Variants in PGLYRP4 observed in about 807,000 individuals in gnomAD.
PGLYRP4 encodes the protein peptidoglycan recognition protein 4.
PGLYRP4 carries 39 observed loss-of-function variants against 41.2 expected under a neutral mutation model. The ratio of observed to expected loss-of-function variants is 0.95; its 90% CI spans 0.73 to 1.24. The LOEUF (loss-of-function observed/expected upper bound fraction) is 1.24, where lower values mean the gene tolerates loss of function less well. Among genes scored for constraint, PGLYRP4 ranks in the 50% most tolerant of loss-of-function variants. PGLYRP4 has a pLI of 0.00. For missense variants in PGLYRP4, 467 were observed against 460.7 expected (o/e 1.01, Z -0.13); for synonymous variants, 202 against 186.8 (o/e 1.08, Z -0.66).
rs1661117899 is a variant in PGLYRP4, at chr1:153,348,738, A to AGG, written c.-258_-257insCC. ...TGGAGCACTCGGGCTCTAGCTTCCC[A>AGG]GAGAGAAGAGAGCCCAGGATCCCTA... On this transcript the variant is annotated 5_prime_UTR_variant, in exon 1 of 9. Coordinates refer to ENST00000359650, the MANE Select transcript of PGLYRP4 (RefSeq NM_020393.4). 4.3e-5 allele frequency: 2 copies of AGG among 46,224 alleles called. No homozygotes were observed. Among genetic ancestry groups the AGG allele is most frequent in the Non-Finnish European group, 1.1e-4 (2 of 18,216 alleles). The allele number at this position is 46,224 out of a possible 1,614,324, so 2.9% of individuals were successfully genotyped here.
chr1:153,348,222 C>T (rs898711206), intron 1 of PGLYRP4, among the ~76,000 whole-genome samples: 2 of 152,148 alleles, frequency 1.3e-5, no homozygotes, highest in African/African-American at 4.8e-5. Context: ...TACACACTTG[C>T]ACATGCAGTC....
intron 2 of PGLYRP4, 63 bp downstream of exon 2, chr1:153,347,821 C>T (rs1661079155): frequency 1.6e-6 from 2 of 1,263,968 alleles, no homozygotes; most frequent in Admixed American, 1.9e-5. Context: ...TTTTTAATTC[C>T]TATTATGAGA....
Position 153,347,890 on chromosome 1 carries a change from C to T in PGLYRP4, c.43G>A (p.Ala15Thr), listed in dbSNP as rs747727543. The change falls in exon 2 of 9, where the codon GCC becomes ACC. Residue 15 changes from alanine to threonine, a missense_variant. By Grantham distance (58) the Ala-to-Thr change is moderately conservative. Coordinates refer to ENST00000359650, the MANE Select transcript of PGLYRP4 (RefSeq NM_020393.4). ...LLVFSALGIQ[A>T]WGDSSWNKTQ... The stretch of plus-strand genomic sequence containing the variant: ...CCAGGGAAAGAAAACTTACCCCAGG[C>T]CTGGATACCCAGAGCAGAGAAGACA... The T allele has an allele frequency of 6.8e-6, 11 of 1,612,806 alleles. No homozygotes were observed. The South Asian group carries it at 1.2e-4, about 18-fold the overall frequency.
chr1:153,340,460 A>G lies in PGLYRP4; in HGVS notation c.745T>C (p.Ser249Pro). Residue 249 changes from serine (S) to proline (P), a missense_variant, in exon 7 of 9, where the codon TCT (serine) becomes CCT (proline). Transcript: ENST00000359650. ...CGGACCAGCAGGCGGCACTCATCAG[A>G]AATGTTGCAGGTCCTCCCGGCAGTG... ...IHTAGRTCNI[S>P]DECRLLVRDI... 1 of 1,614,174 alleles carries G rather than the reference A, an allele frequency of 6.2e-7. No individual in the cohort carries two copies. The highest frequency in any genetic ancestry group is 1.1e-5 in the South Asian group (1 of 91,082).
In PGLYRP4 at chr1:153,331,140, C is replaced by G. The variant is rs183322534; in HGVS notation, c.944-195G>C. Among the ~76,000 whole-genome samples, 31 of 152,262 alleles carry G rather than the reference C, an allele frequency of 2.0e-4. No individual in the cohort carries two copies. The East Asian group carries it at 5.6e-3, about 28-fold the overall frequency. On this transcript the variant is annotated intron_variant, in intron 8 of 8. Transcript: ENST00000359650. The stretch of plus-strand genomic sequence containing the variant: ...GTTTTCCTGAATCAAAAGAGCCAAG[C>G]CTGGGATAATAAATTCTTCTGAGGA...
intron 7 of PGLYRP4, among the ~76,000 whole-genome samples, chr1:153,339,339 G>T (rs1370767796): frequency 1.3e-5 from 2 of 152,198 alleles, no homozygotes; most frequent in Non-Finnish European, 1.5e-5. Flanking sequence ...GGTGTTGGAG[G>T]GAAGGTTTTC....
At chr1:153,341,974 T>G (rs998279702) in intron 5 of PGLYRP4, among the ~76,000 whole-genome samples, 195 bp from the exon 6 acceptor site, 1 of 152,074 alleles carries the variant, frequency 6.6e-6, no homozygotes, top group Non-Finnish European at 1.5e-5. Context: ...CAAAATGAAG[T>G]CCTTTCTCAT....
chr1:153,345,457 C>CCGACACAGCCCA, intron 3 of PGLYRP4, 75 bp from the exon 4 acceptor site: 1 of 1,342,256 alleles, frequency 7.5e-7, no homozygotes, highest in Non-Finnish European at 1.1e-6. Context: ...CAGGCATGGG[C>CCGACACAGCCCA]TGTGTCGGCC....
At chr1:153,341,192 A>G (rs1660786668) in intron 6 of PGLYRP4, among the ~76,000 whole-genome samples, 2 of 152,140 alleles carry the variant, frequency 1.3e-5, no homozygotes, top group African/African-American at 2.4e-5. Flanking sequence ...GTCCCTTTCC[A>G]TTGTTTCCTC....
At chr1:153,342,823 G>A (rs1383637076) in intron 5 of PGLYRP4, among the ~76,000 whole-genome samples, 5 of 152,152 alleles carry the variant, frequency 3.3e-5, no homozygotes, top group Non-Finnish European at 2.9e-5. Context: ...AGAGATGACT[G>A]GTCAGCATCT....
At chr1:153,342,143 G>T (rs1037001017) in intron 5 of PGLYRP4, among the ~76,000 whole-genome samples, 1 of 152,140 alleles carries the variant, frequency 6.6e-6, no homozygotes, top group Non-Finnish European at 1.5e-5. Flanking sequence ...CATTTAATCA[G>T]CAGCACAAAC....
Position 153,341,652 on chromosome 1 carries a change from AG to A in PGLYRP4, c.599del (p.Pro200LeufsTer7), listed in dbSNP as rs1660806576. 1 of 1,613,268 alleles carries A rather than the reference AG, an allele frequency of 6.2e-7. No individual in the cohort carries two copies. Among genetic ancestry groups the A allele is most frequent in the African/African-American group, 1.3e-5 (1 of 75,040 alleles). ...CCTTCTTCAGGCTTGTCTTCTGCCG[AG>A]GGGCCAGGCAGTTCTCGCCTTTCCC... is the stretch of plus-strand genomic sequence containing the variant. ...LLGKGENCLA[P>X]RQKTSLKKAC... On this transcript the variant is annotated frameshift_variant, in exon 6 of 9. Coordinates refer to ENST00000359650, the MANE Select transcript of PGLYRP4 (RefSeq NM_020393.4). LOFTEE classifies it high-confidence loss of function.
chr1:153,338,529 C>T (rs1407998459), intron 7 of PGLYRP4, among the ~76,000 whole-genome samples: 2 of 152,206 alleles, frequency 1.3e-5, no homozygotes, highest in Non-Finnish European at 2.9e-5. Flanking sequence ...ACTGAGTGCA[C>T]ACACCCCAGC....
chr1:153,345,643 G>T (rs1184132704), intron 3 of PGLYRP4, among the ~76,000 whole-genome samples: 1 of 152,188 alleles, frequency 6.6e-6, no homozygotes, highest in Non-Finnish European at 1.5e-5. Context: ...TGTGGTCCAG[G>T]CTCTGCACTT....
intron 2 of PGLYRP4, among the ~76,000 whole-genome samples, chr1:153,347,682 A>AC: frequency 6.7e-6 from 1 of 150,010 alleles, no homozygotes; most frequent in East Asian, 2.0e-4. Context: ...AAGAGAGAGT[A>AC]GTTTTTTTTG....
intron 7 of PGLYRP4, 48 bp downstream of exon 7, chr1:153,340,333 T>C (rs1660739688): frequency 1.9e-6 from 3 of 1,547,478 alleles, no homozygotes; most frequent in Non-Finnish European, 2.7e-6. Context: ...AAAGGCTCAG[T>C]TTCTGCCCCC....
intron 3 of PGLYRP4, 60 bp downstream of exon 3, chr1:153,346,042 C>T (rs1048152034): frequency 1.9e-5 from 24 of 1,257,172 alleles, no homozygotes; most frequent in East Asian, 1.2e-4. Flanking sequence ...GAAACATTTC[C>T]GATCACATGA....
At position 153,345,192 on chromosome 1, in the gene PGLYRP4, G is replaced by A. The variant is rs377093012; in HGVS notation, c.330C>T (p.Asn110=). 2.5e-6 allele frequency: 4 copies of A among 1,612,212 alleles called. No homozygotes were observed. Among genetic ancestry groups the A allele is most frequent in the Non-Finnish European group, 3.4e-6 (4 of 1,179,808 alleles). The stretch of plus-strand genomic sequence containing the variant: ...ACTTGTAGGCCACATCACACCCACT[G>A]TTGTTGTGGACATGATGGGCCTGCA... ...RELQAHHVHN[N]SGCDVAYNFL... The change falls in exon 4 of 9, where the codon AAC becomes AAT. Residue 110 remains asparagine (N), a synonymous_variant. Transcript: ENST00000359650.
chr1:153,336,053 T>A (rs879740123), intron 8 of PGLYRP4, among the ~76,000 whole-genome samples: 1 of 149,094 alleles, frequency 6.7e-6, no homozygotes, highest in Non-Finnish European at 1.5e-5. Flanking sequence ...TGCGTGTGTG[T>A]GTGTGTGTGT....
Sources: gnomAD v4.1 joint callset for allele counts (sites outside exome capture counted in the v4.1 genomes callset) on GRCh38, gnomAD v4.1.1 for gene constraint, MANE v1.5 for transcripts, NCBI Gene and HGNC (gene_info 2026-07-23, HGNC 2026-07-21) for gene names.